Variants in MARCHF1 observed in about 807,000 individuals in gnomAD.
The protein encoded by MARCHF1 is membrane associated ring-CH-type finger 1.
Under a neutral mutation model 54.2 loss-of-function variants are expected in MARCHF1, and 40 were observed. The observed-to-expected ratio is 0.74, with a 90% confidence interval of 0.57 to 0.96. The LOEUF (loss-of-function observed/expected upper bound fraction) is 0.96, where lower values mean the gene tolerates loss of function less well. MARCHF1 is among the 40% of genes least tolerant of loss of function. MARCHF1 has a pLI of 0.00. For synonymous variants in MARCHF1, 236 were observed against 236.3 expected (o/e 1.00, Z 0.01); for missense variants, 586 against 656.5 (o/e 0.89, Z 1.17).
intron 5 of MARCHF1, among the ~76,000 whole-genome samples, chr4:163,683,976 T>C (rs1164549403): frequency 1.3e-5 from 2 of 152,120 alleles, no homozygotes; most frequent in Non-Finnish European, 2.9e-5. Flanking sequence ...CTGAAGCTCC[T>C]TGGGCATCTC....
At chr4:164,188,126 T>C (rs1393745328) in intron 1 of MARCHF1, among the ~76,000 whole-genome samples, 2 of 152,178 alleles carry the variant, frequency 1.3e-5, no homozygotes, top group African/African-American at 4.8e-5. Flanking sequence ...AGAATCCACA[T>C]CTGATTTTTG....
At chr4:163,632,454 G>A (rs1742129860) in intron 5 of MARCHF1, among the ~76,000 whole-genome samples, 1 of 152,194 alleles carries the variant, frequency 6.6e-6, no homozygotes, top group Non-Finnish European at 1.5e-5. Flanking sequence ...GGGTCAGGGA[G>A]TTCCCTTTCC....
At position 163,895,472 on chromosome 4, in the gene MARCHF1, A is replaced by T. The variant is rs73868930; in HGVS notation, c.-38-41303T>A. Among the ~76,000 whole-genome samples the T allele has an allele frequency of 4.2e-3, 647 of 152,240 alleles. 8 individuals are homozygous for T. Among genetic ancestry groups the T allele is most frequent in the African/African-American group, 0.015 (627 of 41,534 alleles). On this transcript the variant is annotated intron_variant, in intron 3 of 9. Transcript: ENST00000514618. ...GGGAAGGTAACTATCTAAACCGCAA[A>T]TCACACTCTGCCACCTAAACCAGAA...
At chr4:164,300,607 T>G (rs1734531158) in intron 1 of MARCHF1, among the ~76,000 whole-genome samples, 1 of 152,136 alleles carries the variant, frequency 6.6e-6, no homozygotes, top group Non-Finnish European at 1.5e-5. Flanking sequence ...AGGGGAGTGA[T>G]CTCAGCTCAC....
At chr4:164,053,247 AAC>A (rs1754412575) in intron 2 of MARCHF1, among the ~76,000 whole-genome samples, 1 of 152,118 alleles carries the variant, frequency 6.6e-6, no homozygotes, top group African/African-American at 2.4e-5. Context: ...TTTTTTAAAA[AAC>A]AGTTACCAAT....
intron 8 of MARCHF1, 117 bp from the exon 9 acceptor site, chr4:163,545,860 A>AGAT (rs1320708341): frequency 2.5e-6 from 2 of 807,352 alleles, no homozygotes; most frequent in African/African-American, 3.4e-5. Context: ...CTGCAATTTC[A>AGAT]GATGACACTG....
At chr4:164,242,077 G>T (rs1341184829) in intron 1 of MARCHF1, among the ~76,000 whole-genome samples, 6 of 152,194 alleles carry the variant, frequency 3.9e-5, no homozygotes, top group African/African-American at 1.4e-4. Context: ...GCCCAGCCTT[G>T]ATTAGGTAAA....
intron 4 of MARCHF1, among the ~76,000 whole-genome samples, chr4:163,733,244 C>CAT (rs60033005): frequency 1.8e-4 from 6 of 34,106 alleles, no homozygotes; most frequent in African/African-American, 4.8e-4. Flanking sequence ...TATATATACA[C>CAT]GTGTATATAT....
chr4:163,524,575 C>T (rs1226085633), downstream of MARCHF1: 1 of 151,860 alleles, frequency 6.6e-6, no homozygotes, highest in Middle Eastern at 3.2e-3. Context: ...TTTATTTGTA[C>T]CATGTCATGA....
intron 1 of MARCHF1, among the ~76,000 whole-genome samples, chr4:164,295,206 T>C (rs1347055918): frequency 6.6e-6 from 1 of 152,210 alleles, no homozygotes; most frequent in Non-Finnish European, 1.5e-5. Flanking sequence ...ACAAAATCTG[T>C]TTGTGTACAA....
At chr4:163,645,960 T>C (rs1369252886) in intron 5 of MARCHF1, among the ~76,000 whole-genome samples, 4 of 152,154 alleles carry the variant, frequency 2.6e-5, no homozygotes, top group African/African-American at 9.7e-5. Context: ...AAAAATATTA[T>C]TTAAAGGAAT....
intron 3 of MARCHF1, among the ~76,000 whole-genome samples, chr4:163,954,603 G>C (rs986473464): frequency 2.6e-5 from 4 of 152,042 alleles, no homozygotes; most frequent in African/African-American, 9.7e-5. Context: ...ACAAATTATA[G>C]CCATGATTTT....
At chr4:163,688,937 G>A (rs1222771889) in intron 5 of MARCHF1, among the ~76,000 whole-genome samples, 1 of 152,108 alleles carries the variant, frequency 6.6e-6, no homozygotes, top group Non-Finnish European at 1.5e-5. Context: ...TGTTGGAAAA[G>A]CAACTGTAAT....
At chr4:164,344,602 G>A (rs1730025145) in intron 1 of MARCHF1, among the ~76,000 whole-genome samples, 1 of 152,056 alleles carries the variant, frequency 6.6e-6, no homozygotes, top group African/African-American at 2.4e-5. Context: ...AGTTGGGTAA[G>A]TGAAACCAAG....
rs554203615 is a variant in MARCHF1, at chr4:164,043,901, T to A, written c.-247-55192A>T. Among the ~76,000 whole-genome samples the A allele has an allele frequency of 2.0e-5, 3 of 152,324 alleles. No individual in the cohort carries two copies. The South Asian group carries it at 6.2e-4, about 32-fold the overall frequency. ...TAAATCATCTCTTGAGTTCAAAGTT[T>A]CACAGATTTCTAGGGCAGGTGCCAG... On this transcript the variant is annotated intron_variant, in intron 2 of 9. Coordinates refer to ENST00000514618, the MANE Select transcript of MARCHF1 (RefSeq NM_001394959.1).
intron 3 of MARCHF1, among the ~76,000 whole-genome samples, chr4:163,891,560 A>C (rs926218022): frequency 1.3e-5 from 2 of 152,116 alleles, no homozygotes; most frequent in Non-Finnish European, 2.9e-5. Flanking sequence ...ACAACCACCA[A>C]AAAAAGCTAA....
At chr4:164,350,292 C>T (rs531430794) in intron 1 of MARCHF1, among the ~76,000 whole-genome samples, 1 of 151,778 alleles carries the variant, frequency 6.6e-6, no homozygotes, top group South Asian at 2.1e-4. Flanking sequence ...TATGTAAGAG[C>T]CAAAGAAAAC....
chr4:163,921,856 T>C (rs1407056238), intron 3 of MARCHF1, among the ~76,000 whole-genome samples: 8 of 152,146 alleles, frequency 5.3e-5, no homozygotes, highest in Non-Finnish European at 1.2e-4. Context: ...TGTACCTCTA[T>C]ACAGTATTAA....
intron 1 of MARCHF1, among the ~76,000 whole-genome samples, chr4:164,161,316 G>GT (rs1730228759): frequency 6.6e-6 from 1 of 152,068 alleles, no homozygotes; most frequent in Non-Finnish European, 1.5e-5. Context: ...TGCCATGATT[G>GT]TAAGTTTCAT....
Sources: allele counts gnomAD v4.1 joint callset (sites outside exome capture counted in the v4.1 genomes callset), GRCh38; gene constraint gnomAD v4.1.1; transcripts MANE v1.5; gene names NCBI Gene and HGNC (gene_info 2026-07-23, HGNC 2026-07-21).